PRLR: variants seen among roughly 807,000 people sequenced by gnomAD.
PRLR encodes hPRL receptor.
In PRLR, 13 loss-of-function variants were observed where a neutral mutation model predicts 40.2. The ratio of observed to expected loss-of-function variants is 0.32; its 90% CI spans 0.21 to 0.51. PRLR has a LOEUF of 0.51. Among genes scored for constraint, PRLR ranks in the 20% least tolerant of loss-of-function variants. The probability of loss-of-function intolerance (pLI) is 0.97; values close to 1 mark genes in which losing one functional copy is unlikely to be tolerated. For missense variants in PRLR, 656 were observed against 747.3 expected (o/e 0.88, Z 1.42); for synonymous variants, 269 against 278.7 (o/e 0.97, Z 0.35).
In PRLR at chr5:35,065,543, T is replaced by C. The variant is rs750418127; in HGVS notation, c.1415A>G (p.Lys472Arg). ...TTCTACCTCCCTCTGCTGGGTTGCC[T>C]TTCCCTCTTCTCTAGACTTAATGGT... is the stretch of plus-strand genomic sequence containing the variant. ...SQTIKSREEG[K>R]ATQQREVESF... is the part of the protein sequence containing the mutation. Residue 472 changes from lysine (K) to arginine (R), a missense_variant, in exon 10 of 10, where the codon AAG (lysine) becomes AGG (arginine). By Grantham distance (26) the Lys-to-Arg change is conservative. This residue lies in a region of PRLR where 469 missense variants were observed against 491.5 expected (regional missense o/e 0.95). Coordinates refer to ENST00000618457, the MANE Select transcript of PRLR (RefSeq NM_000949.7). 1 of 1,614,126 alleles carries C rather than the reference T, an allele frequency of 6.2e-7. No individual in the cohort carries two copies. Among genetic ancestry groups the C allele is most frequent in the Non-Finnish European group, 8.5e-7 (1 of 1,180,026 alleles).
intron 2 of PRLR, among the ~76,000 whole-genome samples, chr5:35,091,420 A>C (rs887928593): frequency 6.6e-6 from 1 of 152,178 alleles, no homozygotes; most frequent in African/African-American, 2.4e-5. Context: ...TGTAAATTTC[A>C]TTTTGTCATC....
chr5:35,103,367 C>A (rs1772020307), intron 2 of PRLR, among the ~76,000 whole-genome samples: 1 of 152,218 alleles, frequency 6.6e-6, no homozygotes, highest in South Asian at 2.1e-4. Flanking sequence ...ACAGCTAACT[C>A]CCCGTTGGTT....
In PRLR at chr5:35,057,828, A is replaced by C. The variant is rs1472293645; in HGVS notation, c.*7261T>G. The C allele has an allele frequency of 6.6e-6, 1 of 152,174 alleles. No homozygotes were observed. Among genetic ancestry groups the C allele is most frequent in the African/African-American group, 2.4e-5 (1 of 41,466 alleles). 9.4% of individuals were successfully genotyped at this position (152,174 alleles called of 1,614,324 possible). ...AAATCAAAATAAGATAATTTCTGGTAAATGGCTGACTTTTCCCATATCATA... is the reference window on the plus strand; with the variant it reads ...AAATCAAAATAAGATAATTTCTGGTCAATGGCTGACTTTTCCCATATCATA... On this transcript the variant is annotated 3_prime_UTR_variant, in exon 10 of 10. Transcript: ENST00000618457.
chr5:35,071,008 T>C (rs2112396814), intron 6 of PRLR, among the ~76,000 whole-genome samples: 1 of 152,270 alleles, frequency 6.6e-6, no homozygotes. Context: ...AACATGACCT[T>C]ACAATCAAGG....
intron 1 of PRLR, among the ~76,000 whole-genome samples, chr5:35,212,624 T>C (rs1408190482): frequency 6.6e-6 from 1 of 152,216 alleles, no homozygotes; most frequent in East Asian, 1.9e-4. Context: ...AACATGACTT[T>C]GGTAATCATG....
intron 1 of PRLR, among the ~76,000 whole-genome samples, chr5:35,182,273 T>C (rs1243534967): frequency 6.6e-6 from 1 of 152,208 alleles, no homozygotes; most frequent in African/African-American, 2.4e-5. Context: ...GGCCAAATAG[T>C]GCCTCTTCCA....
At chr5:35,073,449 T>C (rs151040995) in intron 5 of PRLR, among the ~76,000 whole-genome samples, 5 of 152,348 alleles carry the variant, frequency 3.3e-5, no homozygotes, top group African/African-American at 1.2e-4. Context: ...ATTTACTACA[T>C]GCCAGGGACT....
chr5:35,121,580 C>T (rs1773292703), intron 1 of PRLR, among the ~76,000 whole-genome samples: 1 of 152,172 alleles, frequency 6.6e-6, no homozygotes, highest in Non-Finnish European at 1.5e-5. Context: ...TAAGCTTCAA[C>T]ATTTGAGGAC....
At chr5:35,185,155 C>G (rs1775392744) in intron 1 of PRLR, among the ~76,000 whole-genome samples, 1 of 152,226 alleles carries the variant, frequency 6.6e-6, no homozygotes, top group Admixed American at 6.5e-5. Flanking sequence ...CCCTTCTCTT[C>G]ATTTCTGATG....
At chr5:35,225,612 T>C (rs1429008994) in intron 1 of PRLR, among the ~76,000 whole-genome samples, 2 of 152,256 alleles carry the variant, frequency 1.3e-5, no homozygotes, top group African/African-American at 2.4e-5. Flanking sequence ...ATATATTTTA[T>C]TTAAACTAGT....
At position 35,062,165 on chromosome 5, in the gene PRLR, G is replaced by A. The variant is rs1769075932; in HGVS notation, c.*2924C>T. ...ACTGAAGATTACTTTGTATTTCTAT[G>A]ATGAAGAGCAATTTTTTGTTAGATT... On this transcript the variant is annotated 3_prime_UTR_variant, in exon 10 of 10. Coordinates refer to ENST00000618457, the MANE Select transcript of PRLR (RefSeq NM_000949.7). 2 of 152,290 alleles carry A rather than the reference G, an allele frequency of 1.3e-5. No individual in the cohort carries two copies. Among genetic ancestry groups the A allele is most frequent in the South Asian group, 4.1e-4 (2 of 4,826 alleles). The allele number at this position is 152,290 out of a possible 1,614,324, so 9.4% of individuals were successfully genotyped here. A position where few individuals can be genotyped will look rare whatever the true frequency, so the allele number is the denominator to read the frequency against.
intron 1 of PRLR, among the ~76,000 whole-genome samples, chr5:35,157,377 G>C (rs954056841): frequency 6.6e-6 from 1 of 152,154 alleles, no homozygotes; most frequent in African/African-American, 2.4e-5. Flanking sequence ...GATACTTCAA[G>C]GGGGCTGAGG....
intron 2 of PRLR, among the ~76,000 whole-genome samples, chr5:35,109,167 T>C (rs1425189672): frequency 1.3e-5 from 2 of 152,180 alleles, no homozygotes; most frequent in African/African-American, 4.8e-5. Flanking sequence ...TAGCCATATG[T>C]AGAAAGTTGA....
intron 3 of PRLR, 87 bp from the exon 4 acceptor site, chr5:35,086,427 A>G (rs1770853727): frequency 6.6e-7 from 1 of 1,518,818 alleles, no homozygotes; most frequent in Non-Finnish European, 9.0e-7. Flanking sequence ...AGATTGATGG[A>G]CCAAAGCCAG....
exon 9 of PRLR, chr5:35,049,102 T>A (rs754319486): frequency 1.5e-6 from 1 of 689,260 alleles, no homozygotes; most frequent in South Asian, 1.5e-5. Context: ...CAGCTCCCAG[T>A]CAATTCTGCT....
Position 35,127,186 on chromosome 5 carries a change from C to A in PRLR, c.-105-9064G>T, listed in dbSNP as rs187557319. On this transcript the variant is annotated intron_variant, in intron 1 of 9. Transcript: ENST00000618457. ...CAGACAGGACCACGTGGCAAGTAGA[C>A]CCCTGGAAGACCTGCTGTAGCTTGG... 1.0e-3 allele frequency among the ~76,000 whole-genome samples: 158 copies of A among 152,330 alleles called. 2 individuals are homozygous for A. The East Asian group carries it at 0.015, about 14-fold the overall frequency.
intron 4 of PRLR, among the ~76,000 whole-genome samples, chr5:35,085,149 A>G (rs1477036342): frequency 3.9e-5 from 6 of 152,358 alleles, no homozygotes; most frequent in Admixed American, 2.0e-4. Flanking sequence ...AGTCAGCAAT[A>G]AAGTGAAGTG....
intron 1 of PRLR, among the ~76,000 whole-genome samples, chr5:35,152,583 A>G (rs1443394773): frequency 1.3e-5 from 2 of 152,200 alleles, no homozygotes; most frequent in Non-Finnish European, 2.9e-5. Context: ...AATGGACAAC[A>G]TGAACCCACA....
At chr5:35,172,535 C>A (rs1255721844) in intron 1 of PRLR, among the ~76,000 whole-genome samples, 1 of 152,226 alleles carries the variant, frequency 6.6e-6, no homozygotes, top group Non-Finnish European at 1.5e-5. Flanking sequence ...ACCCTTCCGA[C>A]ATGGGTTGGC....
Sources: allele counts gnomAD v4.1 joint callset (sites outside exome capture counted in the v4.1 genomes callset), GRCh38; gene constraint gnomAD v4.1.1; regional missense constraint gnomAD v4.1.1; transcripts MANE v1.5; gene names NCBI Gene and HGNC (gene_info 2026-07-23, HGNC 2026-07-21).